Variants in ZC3HC1 observed in about 807,000 individuals in gnomAD.
The protein encoded by ZC3HC1 is zinc finger C3HC-type containing 1, also known as zinc finger C3HC-type protein 1.
ZC3HC1 carries 38 observed loss-of-function variants against 61.9 expected under a neutral mutation model. That is an observed-to-expected ratio of 0.61 (90% CI 0.47 to 0.81). The LOEUF is 0.81. Ranked by LOEUF, ZC3HC1 falls within the 30% of genes least tolerant of loss-of-function variation. The pLI is 0.00. For missense variants in ZC3HC1, 554 were observed against 622.7 expected (o/e 0.89, Z 1.17); for synonymous variants, 213 against 229.9 (o/e 0.93, Z 0.67).
chr7:130,018,561 G>A lies in ZC3HC1; in HGVS notation c.*103C>T, dbSNP rs1341080001. On this transcript the variant is annotated 3_prime_UTR_variant, in exon 10 of 10. Coordinates refer to ENST00000358303, the MANE Select transcript of ZC3HC1 (RefSeq NM_016478.5). Reference sequence around the variant, plus strand: ...CAGGGGGCTCCTTATGATTAACCCAGAACAGGAAAAACTTAGTGTCAGCTG... The same window carrying A: ...CAGGGGGCTCCTTATGATTAACCCAAAACAGGAAAAACTTAGTGTCAGCTG... The A allele has an allele frequency of 4.0e-6, 4 of 1,005,540 alleles. No homozygotes were observed. The highest frequency in any genetic ancestry group is 6.1e-6 in the Non-Finnish European group (4 of 656,372). 62.3% of individuals were successfully genotyped at this position (1,005,540 alleles called of 1,614,324 possible).
chr7:130,046,140 C>A (rs1794856899), intron 2 of ZC3HC1, among the ~76,000 whole-genome samples: 1 of 151,994 alleles, frequency 6.6e-6, no homozygotes, highest in African/African-American at 2.4e-5. Context: ...ACACTGGGGC[C>A]TGTTGGAGGT....
In ZC3HC1 at chr7:130,024,511, A is replaced by G. The variant is rs777391299; in HGVS notation, c.777-5T>C. 2.0e-5 allele frequency: 32 copies of G among 1,596,438 alleles called. No individual in the cohort carries two copies. In the South Asian group the frequency reaches 2.6e-4, roughly 13 times the overall value. On this transcript the variant is annotated splice_region_variant and splice_polypyrimidine_tract_variant and intron_variant, in intron 6 of 9. Transcript: ENST00000358303. ...TGCATGGATTCCAAAGAGGAACTAGATAGGAATGAAAAAGAGAGTTTTCTC... is the reference window on the plus strand; with the variant it reads ...TGCATGGATTCCAAAGAGGAACTAGGTAGGAATGAAAAAGAGAGTTTTCTC...
At chr7:130,029,137 G>C in intron 4 of ZC3HC1, 108 bp from the exon 5 acceptor site, 1 of 1,245,296 alleles carries the variant, frequency 8.0e-7, no homozygotes, top group Non-Finnish European at 1.1e-6. Flanking sequence ...TTGGAAGGCC[G>C]AGGCGGGCGG....
At chr7:130,040,622 C>T (rs1487600582) in intron 3 of ZC3HC1, among the ~76,000 whole-genome samples, 2 of 149,998 alleles carry the variant, frequency 1.3e-5, no homozygotes, top group African/African-American at 4.9e-5. Context: ...CCTGAGCAAC[C>T]TGGTAAAACC....
Position 130,039,120 on chromosome 7 carries a change from G to A in ZC3HC1, c.493+344C>T, listed in dbSNP as rs183073418. 8.7e-4 allele frequency among the ~76,000 whole-genome samples: 132 copies of A among 151,938 alleles called. 1 individual carries two copies. The highest frequency in any genetic ancestry group is 2.6e-3 in the African/African-American group (108 of 41,468). ...AGCACTTTGGGAGGCCGAGACGGGCGGATCATCTGAGGTCAAGAGTTCGAG... is the reference window on the plus strand; with the variant it reads ...AGCACTTTGGGAGGCCGAGACGGGCAGATCATCTGAGGTCAAGAGTTCGAG... On this transcript the variant is annotated intron_variant, in intron 4 of 9. Transcript: ENST00000358303.
upstream of ZC3HC1, chr7:130,051,413 A>C: frequency 6.2e-7 from 1 of 1,609,930 alleles, no homozygotes; most frequent in Non-Finnish European, 8.5e-7. Context: ...AAGGCTCCGG[A>C]ACTTCCGTCC....
rs1563083259 is a variant in ZC3HC1 at position 130,040,888 on chromosome 7, C to CA, written c.409+62dup. On this transcript the variant is annotated intron_variant, in intron 3 of 9. Coordinates refer to ENST00000358303, the MANE Select transcript of ZC3HC1 (RefSeq NM_016478.5). ...ACTAAAATGACCTTTTTTCCCCCCC[C>CA]AGAAAACCAGGATAGTATATATTTG... 1.1e-5 allele frequency: 16 copies of CA among 1,442,048 alleles called. 1 individual carries two copies. The highest frequency in any genetic ancestry group is 7.7e-5 in the Admixed American group (3 of 38,884). The allele number at this position is 1,442,048 out of a possible 1,614,324, so 89.3% of individuals were successfully genotyped here.
chr7:130,034,776 A>G (rs951119077), intron 4 of ZC3HC1, among the ~76,000 whole-genome samples: 6 of 151,706 alleles, frequency 4.0e-5, no homozygotes, highest in South Asian at 2.1e-4. Flanking sequence ...CAGGCATGAG[A>G]CTCCATGCCT....
chr7:130,038,774 C>T (rs1310950696), intron 4 of ZC3HC1, among the ~76,000 whole-genome samples: 9 of 148,034 alleles, frequency 6.1e-5, no homozygotes, highest in African/African-American at 1.5e-4. Flanking sequence ...GCAGGAGAAT[C>T]GCTTGAACCT....
chr7:130,034,214 T>A (rs1794334907), intron 4 of ZC3HC1, among the ~76,000 whole-genome samples: 1 of 150,896 alleles, frequency 6.6e-6, no homozygotes, highest in Non-Finnish European at 1.5e-5. Context: ...GGCAGGGCAT[T>A]TTGGCTCAAG....
chr7:130,019,076 C>T (rs1426868892), intron 9 of ZC3HC1, among the ~76,000 whole-genome samples: 6 of 133,618 alleles, frequency 4.5e-5, no homozygotes, highest in African/African-American at 1.4e-4. Flanking sequence ...TTTTTTGAGA[C>T]GGAGTCTCAC....
In ZC3HC1 at chr7:130,028,543, AAATAAT is replaced by A. The variant is rs767479559; in HGVS notation, c.621+353_621+358del. On this transcript the variant is annotated intron_variant, in intron 5 of 9. Transcript: ENST00000358303. ...GGTGACAGAAAGAGACTCGGTCTCAAAATAATAATAATAATAATTTAAGTAATAAAT... is the reference window on the plus strand; with the variant it reads ...GGTGACAGAAAGAGACTCGGTCTCAAAATAATAATAATTTAAGTAATAAAT... 9.8e-4 allele frequency among the ~76,000 whole-genome samples: 149 copies of A among 152,144 alleles called. 1 individual carries two copies. Among genetic ancestry groups the A allele is most frequent in the African/African-American group, 3.2e-3 (134 of 41,532 alleles).
At chr7:130,025,637 G>A (rs1316463456) in intron 6 of ZC3HC1, among the ~76,000 whole-genome samples, 6 of 151,864 alleles carry the variant, frequency 4.0e-5, no homozygotes, top group African/African-American at 1.2e-4. Context: ...GGGAGGCCGA[G>A]GCAGGCAGAA....
At chr7:130,024,650 G>A (rs1370081659) in intron 6 of ZC3HC1, 144 bp from the exon 7 acceptor site, 10 of 926,124 alleles carry the variant, frequency 1.1e-5, no homozygotes, top group Non-Finnish European at 1.6e-5. Context: ...CCAGTCTCAG[G>A]ACCCAGCTTC....
Position 130,050,750 on chromosome 7 carries a change from C to T in ZC3HC1, c.146+471G>A, listed in dbSNP as rs775302571. Among the ~76,000 whole-genome samples the T allele has an allele frequency of 3.0e-4, 46 of 152,128 alleles. 1 individual carries two copies. Among genetic ancestry groups the T allele is most frequent in the Non-Finnish European group, 4.1e-4 (28 of 68,034 alleles). On this transcript the variant is annotated intron_variant, in intron 1 of 9. Coordinates refer to ENST00000358303, the MANE Select transcript of ZC3HC1 (RefSeq NM_016478.5). ...AACACATACTACTAGATATTATGGA[C>T]TCTTTAATAAAAAGCATTGTTACTG... is the stretch of plus-strand genomic sequence containing the variant.
intron 4 of ZC3HC1, among the ~76,000 whole-genome samples, chr7:130,032,330 C>T (rs1794235290): frequency 6.6e-6 from 1 of 151,874 alleles, no homozygotes; most frequent in African/African-American, 2.4e-5. Flanking sequence ...CTGAAGACAT[C>T]CTACACAGAT....
intron 2 of ZC3HC1, among the ~76,000 whole-genome samples, chr7:130,046,741 G>A (rs1281700214): frequency 6.6e-6 from 1 of 152,194 alleles, no homozygotes; most frequent in Admixed American, 6.5e-5. Context: ...CGTGAAACAT[G>A]CAATGTGATA....
intron 4 of ZC3HC1, among the ~76,000 whole-genome samples, chr7:130,034,424 G>A (rs1433740400): frequency 4.5e-5 from 6 of 133,766 alleles, no homozygotes; most frequent in African/African-American, 1.7e-4. Context: ...GGCAGAGCTT[G>A]CAGTGAGCCG....
At position 130,022,667 on chromosome 7, in the gene ZC3HC1, C is replaced by G. The variant is rs544121836; in HGVS notation, c.1234-142G>C. The G allele has an allele frequency of 3.6e-5, 31 of 866,606 alleles. No individual in the cohort carries two copies. The South Asian group carries it at 5.1e-4, about 14-fold the overall frequency. 53.7% of individuals were successfully genotyped at this position (866,606 alleles called of 1,614,324 possible). ...TGCTCTCCTTCAAACTTTGCCTACACATTTTCCTCTCATTTTCTTTATTTT... is the reference window on the plus strand; with the variant it reads ...TGCTCTCCTTCAAACTTTGCCTACAGATTTTCCTCTCATTTTCTTTATTTT... On this transcript the variant is annotated intron_variant, in intron 8 of 9. Coordinates refer to ENST00000358303, the MANE Select transcript of ZC3HC1 (RefSeq NM_016478.5).
Sources: gnomAD v4.1 joint callset for allele counts (sites outside exome capture counted in the v4.1 genomes callset) on GRCh38, gnomAD v4.1.1 for gene constraint, MANE v1.5 for transcripts, NCBI Gene and HGNC (gene_info 2026-07-23, HGNC 2026-07-21) for gene names.